Variants in DPP10 observed in about 807,000 individuals in gnomAD.
DPP10 encodes inactive dipeptidyl peptidase 10.
In DPP10, 33 loss-of-function variants were observed where a neutral mutation model predicts 120.9. The ratio of observed to expected loss-of-function variants is 0.27; its 90% CI spans 0.21 to 0.37. The LOEUF (loss-of-function observed/expected upper bound fraction) is 0.37, where lower values mean the gene tolerates loss of function less well. Ranked by LOEUF, DPP10 falls within the 10% of genes least tolerant of loss-of-function variation. DPP10 has a pLI of 1.00. For missense variants in DPP10, 816 were observed against 942.8 expected (o/e 0.87, Z 1.76); for synonymous variants, 337 against 326.1 (o/e 1.03, Z -0.36).
At chr2:115,585,516 C>T (rs1006690057) in intron 5 of DPP10, among the ~76,000 whole-genome samples, 3 of 152,174 alleles carry the variant, frequency 2.0e-5, no homozygotes, top group Middle Eastern at 3.2e-3. Context: ...ATTAGCCTCA[C>T]ATTGAATAAA....
intron 1 of DPP10, among the ~76,000 whole-genome samples, chr2:114,746,311 C>T (rs1226334031): frequency 6.6e-6 from 1 of 152,200 alleles, no homozygotes; most frequent in African/African-American, 2.4e-5. Context: ...GAGCAATCCT[C>T]TTTGGCCTCA....
intron 1 of DPP10, among the ~76,000 whole-genome samples, chr2:114,537,981 G>C (rs1020762927): frequency 6.6e-5 from 10 of 152,202 alleles, no homozygotes; most frequent in Non-Finnish European, 1.0e-4. Flanking sequence ...AGAGGACACA[G>C]AAAGGCCAAC....
chr2:115,441,394 T>C (rs980810705), intron 3 of DPP10, among the ~76,000 whole-genome samples: 1 of 152,166 alleles, frequency 6.6e-6, no homozygotes, highest in Non-Finnish European at 1.5e-5. Context: ...AATTTTGTTA[T>C]GTGAAGTTGT....
At chr2:114,840,724 G>T (rs548542736) in intron 1 of DPP10, among the ~76,000 whole-genome samples, 19 of 152,258 alleles carry the variant, frequency 1.2e-4, no homozygotes, top group Middle Eastern at 3.4e-3. Context: ...AAGTCACAGA[G>T]TATTTACACT....
chr2:115,120,950 G>A (rs1171951549), intron 1 of DPP10, among the ~76,000 whole-genome samples: 3 of 152,188 alleles, frequency 2.0e-5, no homozygotes, highest in Non-Finnish European at 4.4e-5. Flanking sequence ...TGCTGTGCAA[G>A]TACTACGAAG....
In DPP10 at chr2:115,245,282, CA is replaced by C. The variant is rs150497613; in HGVS notation, c.61-63952del. On this transcript the variant is annotated intron_variant, in intron 1 of 25. Coordinates refer to ENST00000410059, the MANE Select transcript of DPP10 (RefSeq NM_020868.6). The stretch of plus-strand genomic sequence containing the variant: ...AGGCTGGTTCGTATTTCTGCAATTG[CA>C]AAAACAAATAACCTCATCAAAACAT... 3.7e-3 allele frequency among the ~76,000 whole-genome samples: 559 copies of C among 151,582 alleles called. 3 individuals carry two copies. The highest frequency in any genetic ancestry group is 0.013 in the African/African-American group (546 of 41,356).
intron 3 of DPP10, among the ~76,000 whole-genome samples, chr2:115,375,606 T>C (rs2065735756): frequency 6.6e-6 from 1 of 152,194 alleles, no homozygotes; most frequent in South Asian, 2.1e-4. Flanking sequence ...ATTTTCTGTA[T>C]TAGTTTGTTC....
At chr2:115,665,862 A>G (rs2089412242) in intron 5 of DPP10, among the ~76,000 whole-genome samples, 1 of 151,256 alleles carries the variant, frequency 6.6e-6, no homozygotes, top group Non-Finnish European at 1.5e-5. Flanking sequence ...TATTTTTTCC[A>G]TTTCCAGCAT....
chr2:115,414,095 T>G (rs2104606345), intron 3 of DPP10, among the ~76,000 whole-genome samples: 1 of 152,196 alleles, frequency 6.6e-6, no homozygotes, highest in South Asian at 2.1e-4. Flanking sequence ...TCATGCCAGG[T>G]TTGTCTAGGG....
chr2:115,181,326 A>G (rs2054062707), intron 1 of DPP10, among the ~76,000 whole-genome samples: 3 of 152,176 alleles, frequency 2.0e-5, no homozygotes, highest in Admixed American at 2.0e-4. Flanking sequence ...TCGGTGGCTT[A>G]AAACAACGAT....
At chr2:114,597,895 A>C (rs1016708419) in intron 1 of DPP10, among the ~76,000 whole-genome samples, 1 of 151,810 alleles carries the variant, frequency 6.6e-6, no homozygotes, top group African/African-American at 2.4e-5. Context: ...TTCAACTCCC[A>C]CCATCATTTT....
At chr2:115,621,634 A>G (rs945410152) in intron 5 of DPP10, among the ~76,000 whole-genome samples, 6 of 152,160 alleles carry the variant, frequency 3.9e-5, no homozygotes, top group Non-Finnish European at 1.5e-5. Context: ...AGAGGTGTAG[A>G]AAACATTCTA....
At chr2:115,428,381 G>A (rs1318777421) in intron 3 of DPP10, among the ~76,000 whole-genome samples, 2 of 152,078 alleles carry the variant, frequency 1.3e-5, no homozygotes, top group Non-Finnish European at 2.9e-5. Flanking sequence ...ACCTTAGACC[G>A]AGTAATTTAT....
chr2:115,247,157 A>G (rs2058571050), intron 1 of DPP10, among the ~76,000 whole-genome samples: 1 of 152,182 alleles, frequency 6.6e-6, no homozygotes, highest in South Asian at 2.1e-4. Flanking sequence ...ATAGATGGTA[A>G]TGCTAAGAAC....
intron 1 of DPP10, among the ~76,000 whole-genome samples, chr2:114,614,204 A>G (rs1337467262): frequency 2.0e-5 from 3 of 152,186 alleles, no homozygotes; most frequent in Non-Finnish European, 4.4e-5. Flanking sequence ...CACCAGACTG[A>G]TTTATCTACT....
At chr2:115,279,576 T>G (rs187223479) in intron 1 of DPP10, among the ~76,000 whole-genome samples, 1 of 151,554 alleles carries the variant, frequency 6.6e-6, no homozygotes, top group East Asian at 1.9e-4. Flanking sequence ...AATCTTGTCA[T>G]CAGACACCAG....
rs369526746 is a variant in DPP10, at chr2:114,664,265, G to T, written c.60+221427G>T. Among the ~76,000 whole-genome samples the T allele has an allele frequency of 2.2e-4, 33 of 151,892 alleles. No homozygotes were observed. In the South Asian group the frequency reaches 6.8e-3, roughly 32 times the overall value. ...TGAAGAGAAAATTAACAAGAAGCAT[G>T]TGGATAAATGTAAAGCAAGCAGAAG... On this transcript the variant is annotated intron_variant, in intron 1 of 25. Transcript: ENST00000410059.
chr2:114,825,822 A>G (rs1253835903), intron 1 of DPP10, among the ~76,000 whole-genome samples: 1 of 152,210 alleles, frequency 6.6e-6, no homozygotes, highest in African/African-American at 2.4e-5. Context: ...TATAGCCTAA[A>G]TAACAGAGGG....
At chr2:115,795,455 A>G (rs1388384835) in intron 19 of DPP10, among the ~76,000 whole-genome samples, 3 of 152,150 alleles carry the variant, frequency 2.0e-5, no homozygotes, top group African/African-American at 7.2e-5. Context: ...TGAAATCCCA[A>G]GAAATTCATG....
Sources: gnomAD v4.1 joint callset for allele counts (sites outside exome capture counted in the v4.1 genomes callset) on GRCh38, gnomAD v4.1.1 for gene constraint, MANE v1.5 for transcripts, NCBI Gene and HGNC (gene_info 2026-07-23, HGNC 2026-07-21) for gene names.